Variants in UBL3 observed in about 807,000 individuals in gnomAD.
The protein encoded by UBL3 is ubiquitin-like protein 3.
A neutral mutation model predicts 18.4 loss-of-function variants in UBL3; 6 were observed. The ratio of observed to expected loss-of-function variants is 0.33; its 90% CI spans 0.18 to 0.64. UBL3 has a LOEUF of 0.64. Among genes scored for constraint, UBL3 ranks in the 30% least tolerant of loss-of-function variants. The pLI is 0.76. For missense variants in UBL3, 109 were observed against 142.9 expected (o/e 0.76, Z 1.21); for synonymous variants, 49 against 46.6 (o/e 1.05, Z -0.21).
At chr13:29,819,785 C>T (rs1039524541) in intron 1 of UBL3, among the ~76,000 whole-genome samples, 2 of 151,902 alleles carry the variant, frequency 1.3e-5, no homozygotes, top group African/African-American at 4.8e-5. Context: ...CACACCACCG[C>T]CCCCACCCCC....
chr13:29,766,244 T>C lies in UBL3; in HGVS notation c.*1011A>G, dbSNP rs374577905. On this transcript the variant is annotated 3_prime_UTR_variant, in exon 5 of 5. Transcript: ENST00000380680. ...AAATCAGCTTTTGACTTTAATACAA[T>C]TGCAAGCACTAATATCAAACGCAAA... 1 of 152,500 alleles carries C rather than the reference T, an allele frequency of 6.6e-6. No homozygotes were observed. The highest frequency in any genetic ancestry group is 2.4e-5 in the African/African-American group (1 of 41,428). 9.4% of individuals were successfully genotyped at this position (152,500 alleles called of 1,614,324 possible).
intron 1 of UBL3, among the ~76,000 whole-genome samples, chr13:29,839,775 A>G (rs541854067): frequency 3.6e-4 from 55 of 152,108 alleles, no homozygotes; most frequent in Non-Finnish European, 6.3e-4. Flanking sequence ...AAAATACAAA[A>G]AATTAGCTGG....
chr13:29,835,124 AAATATATATATATATATATATATAT>A (rs1566001040), intron 1 of UBL3, among the ~76,000 whole-genome samples: 1,980 of 36,716 alleles, frequency 0.054, 175 homozygotes, highest in Admixed American at 0.063. Context: ...ATATATATAT[AAATATATATATATATATATATATAT>A]ATATATATAT....
At chr13:29,824,137 T>C (rs947511550) in intron 1 of UBL3, among the ~76,000 whole-genome samples, 6 of 152,176 alleles carry the variant, frequency 3.9e-5, no homozygotes, top group African/African-American at 1.4e-4. Context: ...TTCCAAGTCT[T>C]TGCTATTGTG....
chr13:29,843,410 C>T (rs1284303843), intron 1 of UBL3, among the ~76,000 whole-genome samples: 2 of 152,046 alleles, frequency 1.3e-5, no homozygotes, highest in Non-Finnish European at 2.9e-5. Context: ...AATATATCTC[C>T]ATTTTTTTAA....
At chr13:29,838,157 C>A (rs115412334) in intron 1 of UBL3, among the ~76,000 whole-genome samples, 1 of 151,978 alleles carries the variant, frequency 6.6e-6, no homozygotes, top group African/African-American at 2.4e-5. Flanking sequence ...AAATCAAAAG[C>A]CTGAGTTAAC....
intron 1 of UBL3, among the ~76,000 whole-genome samples, chr13:29,826,876 T>C (rs1461502120): frequency 6.6e-6 from 1 of 152,246 alleles, no homozygotes; most frequent in Non-Finnish European, 1.5e-5. Context: ...GAGATTCTGG[T>C]ATGTTGTGTC....
intron 1 of UBL3, among the ~76,000 whole-genome samples, chr13:29,820,423 GC>G (rs1752491629): frequency 6.6e-6 from 1 of 152,018 alleles, no homozygotes; most frequent in Admixed American, 6.6e-5. Context: ...TGATCCGCCT[GC>G]CTCGGCCTCC....
At chr13:29,810,342 T>C (rs1465424162) in intron 1 of UBL3, among the ~76,000 whole-genome samples, 1 of 152,024 alleles carries the variant, frequency 6.6e-6, no homozygotes, top group Admixed American at 6.6e-5. Flanking sequence ...GATCCAATTC[T>C]AGAAAAGAGA....
intron 1 of UBL3, among the ~76,000 whole-genome samples, chr13:29,809,342 A>AT (rs1315584586): frequency 1.3e-5 from 2 of 152,176 alleles, no homozygotes; most frequent in African/African-American, 4.8e-5. Flanking sequence ...AACTTCATGC[A>AT]TAAAAACTCC....
intron 2 of UBL3, among the ~76,000 whole-genome samples, chr13:29,774,199 G>C (rs1011773447): frequency 3.9e-5 from 6 of 151,942 alleles, no homozygotes; most frequent in Non-Finnish European, 7.4e-5. Context: ...GTTCATTTGG[G>C]ATACTATTTA....
At chr13:29,830,500 A>T (rs991876461) in intron 1 of UBL3, among the ~76,000 whole-genome samples, 1 of 152,172 alleles carries the variant, frequency 6.6e-6, no homozygotes, top group Non-Finnish European at 1.5e-5. Context: ...TAATTTCCCA[A>T]TTTTTTAGTA....
Position 29,836,375 on chromosome 13 carries a change from T to TA in UBL3, c.27+13136dup, listed in dbSNP as rs770909048. Among the ~76,000 whole-genome samples, 693 of 149,924 alleles carry TA rather than the reference T, an allele frequency of 4.6e-3. 5 individuals carry two copies. The highest frequency in any genetic ancestry group is 6.9e-3 in the Middle Eastern group (2 of 288). On this transcript the variant is annotated intron_variant, in intron 1 of 4. Transcript: ENST00000380680. Reference sequence around the variant, plus strand: ...ATAAATAAACAAATAAATAAATAAATAAATAAAATAAAACCAGGGTACGAA... The same window carrying TA: ...ATAAATAAACAAATAAATAAATAAATAAAATAAAATAAAACCAGGGTACGAA...
intron 1 of UBL3, among the ~76,000 whole-genome samples, chr13:29,827,111 G>C (rs1878643282): frequency 6.6e-6 from 1 of 152,120 alleles, no homozygotes; most frequent in Non-Finnish European, 1.5e-5. Flanking sequence ...CCAACTATGT[G>C]GTCAATTTTG....
intron 3 of UBL3, among the ~76,000 whole-genome samples, chr13:29,770,416 A>G (rs1238959156): frequency 6.6e-6 from 1 of 152,146 alleles, no homozygotes; most frequent in Non-Finnish European, 1.5e-5. Flanking sequence ...TCATTATTCT[A>G]AAACAGATTT....
intron 1 of UBL3, among the ~76,000 whole-genome samples, chr13:29,829,024 G>C (rs1284500004): frequency 6.6e-6 from 1 of 152,182 alleles, no homozygotes; most frequent in African/African-American, 2.4e-5. Flanking sequence ...CTGCCTGATC[G>C]TTCCTCTGGA....
At chr13:29,818,693 T>C (rs1467541312) in intron 1 of UBL3, among the ~76,000 whole-genome samples, 2 of 152,194 alleles carry the variant, frequency 1.3e-5, no homozygotes, top group Admixed American at 6.5e-5. Flanking sequence ...TAACAGCTTG[T>C]ATATTTTGAT....
At chr13:29,837,176 T>C (rs1343773432) in intron 1 of UBL3, among the ~76,000 whole-genome samples, 2 of 152,162 alleles carry the variant, frequency 1.3e-5, no homozygotes, top group Admixed American at 6.5e-5. Context: ...TTCATCACAA[T>C]GTTAATAAAA....
At chr13:29,773,575 T>C (rs552444657) in intron 2 of UBL3, among the ~76,000 whole-genome samples, 1 of 152,258 alleles carries the variant, frequency 6.6e-6, no homozygotes, top group African/African-American at 2.4e-5. Context: ...ATTCTAAAAA[T>C]ACTTGAATTT....
Sources: gnomAD v4.1 joint callset for allele counts (sites outside exome capture counted in the v4.1 genomes callset) on GRCh38, gnomAD v4.1.1 for gene constraint, MANE v1.5 for transcripts, NCBI Gene and HGNC (gene_info 2026-07-23, HGNC 2026-07-21) for gene names.